AFF3: variants seen among roughly 807,000 people sequenced by gnomAD.
The protein encoded by AFF3 is ALF transcription elongation factor 3, also known as AF4/FMR2 family member 3.
Under a neutral mutation model 129.7 loss-of-function variants are expected in AFF3, and 32 were observed. That is an observed-to-expected ratio of 0.25 (90% confidence interval 0.19 to 0.33). The LOEUF (loss-of-function observed/expected upper bound fraction) is 0.33. AFF3 is among the 10% of genes least tolerant of loss of function. The probability of loss-of-function intolerance (pLI) is 1.00; values close to 1 mark genes in which losing one functional copy is unlikely to be tolerated. For missense variants in AFF3, 1,373 were observed against 1,592.0 expected, an observed-to-expected ratio of 0.86 and a Z score of 2.34; for synonymous variants, 644 against 635.4, an observed-to-expected ratio of 1.01 and a Z score of -0.20.
chr2:100,027,089 CAAAT>C (rs1051932087), intron 4 of AFF3, among the ~76,000 whole-genome samples: 7 of 152,076 alleles, frequency 4.6e-5, no homozygotes, highest in African/African-American at 1.7e-4. Context: ...AAAATAAAAA[CAAAT>C]AAACAGAGAA....
intron 7 of AFF3, among the ~76,000 whole-genome samples, chr2:99,962,369 A>G (rs988121211): frequency 8.5e-5 from 13 of 152,204 alleles, no homozygotes; most frequent in African/African-American, 3.1e-4. Context: ...ATGATAAAAA[A>G]TCACCCATCA....
At chr2:100,061,279 T>C (rs1343002116) in intron 4 of AFF3, among the ~76,000 whole-genome samples, 2 of 152,098 alleles carry the variant, frequency 1.3e-5, no homozygotes, top group East Asian at 3.9e-4. Context: ...AGTAACTATA[T>C]AAATATAACC....
intron 13 of AFF3, among the ~76,000 whole-genome samples, chr2:99,609,343 G>C (rs939735599): frequency 6.6e-6 from 1 of 151,992 alleles, no homozygotes; most frequent in Non-Finnish European, 1.5e-5. Context: ...CTAGCAGTAT[G>C]TACTGAGCCC....
intron 10 of AFF3, among the ~76,000 whole-genome samples, chr2:99,734,733 T>C (rs1173648699): frequency 6.6e-6 from 1 of 152,126 alleles, no homozygotes; most frequent in Non-Finnish European, 1.5e-5. Context: ...TTATGAGTTA[T>C]ATTTTAAAAT....
intron 8 of AFF3, among the ~76,000 whole-genome samples, chr2:99,786,765 A>C (rs546409616): frequency 5.9e-5 from 9 of 152,288 alleles, no homozygotes; most frequent in African/African-American, 2.2e-4. Flanking sequence ...GGCTGGCTTT[A>C]GTGATGGATT....
At chr2:99,956,114 A>T (rs577412256) in intron 7 of AFF3, among the ~76,000 whole-genome samples, 2 of 147,352 alleles carry the variant, frequency 1.4e-5, no homozygotes, top group African/African-American at 5.4e-5. Context: ...CTTCCTCCTC[A>T]TTTAGTCTTT....
chr2:100,071,024 G>A lies in AFF3; in HGVS notation c.53+33378C>T, dbSNP rs538519468. On this transcript the variant is annotated intron_variant, in intron 4 of 24. Coordinates refer to ENST00000672756, the MANE Select transcript of AFF3 (RefSeq NM_001386135.1). ...AATGAACATTTTGTAATATATAAAA[G>A]GACGTGACAGAATAATACTGTAGCT... is the stretch of plus-strand genomic sequence containing the variant. 4.6e-5 allele frequency among the ~76,000 whole-genome samples: 7 copies of A among 152,236 alleles called. No individual in the cohort carries two copies. The East Asian group carries it at 1.3e-3, about 29-fold the overall frequency.
Position 99,618,224 on chromosome 2 carries a change from CTTTTTTTT to C in AFF3, c.1185-16611_1185-16604del, listed in dbSNP as rs70940180. ...TAGATGAGAAAATGCTCATAACATTCTTTTTTTTTTTTTTTTTTTTTTTTTTTTTGAGA... is the reference window on the plus strand; with the variant it reads ...TAGATGAGAAAATGCTCATAACATTCTTTTTTTTTTTTTTTTTTTTTGAGA... On this transcript the variant is annotated intron_variant, in intron 13 of 24. Coordinates refer to ENST00000672756, the MANE Select transcript of AFF3 (RefSeq NM_001386135.1). Among the ~76,000 whole-genome samples the C allele has an allele frequency of 1.5e-3, 124 of 80,076 alleles. 1 individual carries two copies. The highest frequency in any genetic ancestry group is 6.4e-3 in the African/African-American group (114 of 17,688). The allele number at this position is 80,076 out of a possible 152,430, so 52.5% of individuals were successfully genotyped here.
chr2:100,137,422 C>T (rs1443598062), intron 1 of AFF3, among the ~76,000 whole-genome samples: 1 of 152,206 alleles, frequency 6.6e-6, no homozygotes, highest in African/African-American at 2.4e-5. Flanking sequence ...AGGGACAGCC[C>T]AGGCAAAGTT....
intron 8 of AFF3, among the ~76,000 whole-genome samples, chr2:99,776,197 GT>G (rs1456283863): frequency 6.6e-6 from 1 of 152,106 alleles, no homozygotes; most frequent in Non-Finnish European, 1.5e-5. Flanking sequence ...TTATAATTGT[GT>G]CTCTTTGGCT....
At chr2:99,725,629 T>C (rs528273339) in intron 11 of AFF3, among the ~76,000 whole-genome samples, 38 of 152,256 alleles carry the variant, frequency 2.5e-4, no homozygotes, top group South Asian at 8.3e-4. Flanking sequence ...TGAGCCTGGC[T>C]GGGAACGGAC....
intron 7 of AFF3, among the ~76,000 whole-genome samples, chr2:99,990,512 T>C (rs1171804445): frequency 3.9e-5 from 6 of 152,186 alleles, no homozygotes; most frequent in African/African-American, 1.4e-4. Context: ...AATTAAAATA[T>C]CTTTAAATAA....
intron 7 of AFF3, among the ~76,000 whole-genome samples, chr2:99,908,569 C>T (rs1485539472): frequency 6.6e-6 from 1 of 152,108 alleles, no homozygotes; most frequent in Admixed American, 6.5e-5. Context: ...ATTTTTGCAA[C>T]ATACTCATCT....
chr2:99,853,287 T>C (rs1309174388), intron 7 of AFF3, among the ~76,000 whole-genome samples: 1 of 152,230 alleles, frequency 6.6e-6, no homozygotes, highest in Non-Finnish European at 1.5e-5. Flanking sequence ...TAAAACATGT[T>C]TCTTTTTCCC....
intron 7 of AFF3, among the ~76,000 whole-genome samples, chr2:99,991,741 A>G (rs1359987515): frequency 6.6e-6 from 1 of 152,070 alleles, no homozygotes; most frequent in Non-Finnish European, 1.5e-5. Flanking sequence ...CGTGTCTACT[A>G]AAAATACAAA....
At chr2:99,850,353 T>C (rs535635920) in intron 7 of AFF3, among the ~76,000 whole-genome samples, 1 of 152,154 alleles carries the variant, frequency 6.6e-6, no homozygotes, top group East Asian at 1.9e-4. Context: ...GTCTCAGCAT[T>C]TGAGGAATGG....
chr2:99,804,558 T>C (rs1465628099), intron 8 of AFF3, among the ~76,000 whole-genome samples: 1 of 152,198 alleles, frequency 6.6e-6, no homozygotes, highest in East Asian at 1.9e-4. Context: ...GTAGATCAAC[T>C]GTTCAATTCA....
intron 11 of AFF3, among the ~76,000 whole-genome samples, chr2:99,690,701 G>C (rs1366869365): frequency 6.6e-6 from 1 of 152,010 alleles, no homozygotes; most frequent in Admixed American, 6.6e-5. Context: ...CGACTTTTTA[G>C]CCAGAGCTTC....
chr2:99,597,402 T>A (rs1679397404), intron 14 of AFF3, among the ~76,000 whole-genome samples: 1 of 152,264 alleles, frequency 6.6e-6, no homozygotes, highest in South Asian at 2.1e-4. Flanking sequence ...TTCATGTGTA[T>A]ATATGTCTTG....
Sources: allele counts gnomAD v4.1 joint callset (sites outside exome capture counted in the v4.1 genomes callset), GRCh38; gene constraint gnomAD v4.1.1; transcripts MANE v1.5; gene names NCBI Gene and HGNC (gene_info 2026-07-23, HGNC 2026-07-21).